The following CCDC7 variants were observed in gnomAD, a reference collection of about 807,000 sequenced individuals.
The protein encoded by CCDC7 is coiled-coil domain containing 7, also known as coiled-coil domain-containing protein 7.
Under a neutral mutation model 196.9 loss-of-function variants are expected in CCDC7, and 183 were observed. The observed-to-expected ratio is 0.93, with a 90% CI of 0.82 to 1.05. The LOEUF (loss-of-function observed/expected upper bound fraction) is 1.05. Ranked by LOEUF, CCDC7 falls within the 50% of genes least tolerant of loss-of-function variation. CCDC7 has a pLI of 0.00. For missense variants in CCDC7, 1,540 were observed against 1,482.2 expected, an observed-to-expected ratio of 1.04 and a Z score of -0.64; for synonymous variants, 525 against 484.6, an observed-to-expected ratio of 1.08 and a Z score of -1.10.
Position 32,500,891 on chromosome 10 carries a change from C to T in CCDC7, c.872+8894C>T, listed in dbSNP as rs367968960. Among the ~76,000 whole-genome samples, 39 of 152,264 alleles carry T rather than the reference C, an allele frequency of 2.6e-4. 1 individual carries two copies. The East Asian group carries it at 4.1e-3, about 16-fold the overall frequency. On this transcript the variant is annotated intron_variant, in intron 9 of 41. Coordinates refer to ENST00000639629, the Ensembl canonical transcript of CCDC7. ...GAAACCCCGTCTCCACCAAAAAATACGAAAACCAGTCAGGCGTGGCGGCGC... is the reference window on the plus strand; with the variant it reads ...GAAACCCCGTCTCCACCAAAAAATATGAAAACCAGTCAGGCGTGGCGGCGC...
chr10:32,879,712 A>T (rs1974357), downstream of CCDC7, among the ~76,000 whole-genome samples: 1 of 133,578 alleles, frequency 7.5e-6, no homozygotes, highest in South Asian at 2.8e-4. Flanking sequence ...TCCCTCCCCC[A>T]ACCCACAATA....
chr10:32,664,136 A>G, exon 21 of CCDC7: 1 of 396,448 alleles, frequency 2.5e-6, no homozygotes, highest in Non-Finnish European at 4.5e-6. Flanking sequence ...AGAAACAAAA[A>G]TCTTTCCAAG....
chr10:32,794,351 C>T (rs781548380), intron 29 of CCDC7, among the ~76,000 whole-genome samples: 26 of 152,142 alleles, frequency 1.7e-4, no homozygotes, highest in Admixed American at 7.9e-4. Context: ...GATTCCATGT[C>T]TTTGCTATTG....
intron 21 of CCDC7, among the ~76,000 whole-genome samples, chr10:32,670,916 G>A (rs10827098): frequency 0.25 from 38,262 of 151,576 alleles, 5,392 homozygotes; most frequent in South Asian, 0.44. Flanking sequence ...TGTTTATTTG[G>A]GATCTTTTAT....
intron 18 of CCDC7, chr10:32,623,601 A>G (rs1198545855): frequency 4.9e-6 from 2 of 408,792 alleles, no homozygotes; most frequent in East Asian, 1.5e-4. Flanking sequence ...ACCTCAATAA[A>G]TACTATTAAG....
chr10:32,729,348 C>CA lies in CCDC7; in HGVS notation c.2804dup (p.Asp936GlyfsTer5), dbSNP rs750690568. The CA allele has an allele frequency of 1.8e-4, 278 of 1,548,412 alleles. No homozygotes were observed. Among genetic ancestry groups the CA allele is most frequent in the Middle Eastern group, 4.1e-4 (2 of 4,910 alleles). ...TCTATTTAGCGTTTCCTTTAGAAAT[C>CA]AAAAAAAAGGATATATCACTTGAAC... is the stretch of plus-strand genomic sequence containing the variant. On this transcript the variant is annotated frameshift_variant, in exon 28 of 42. Transcript: ENST00000639629. LOFTEE classifies it high-confidence loss of function.
At chr10:32,531,002 C>G (rs1009792274) in intron 11 of CCDC7, among the ~76,000 whole-genome samples, 4 of 152,092 alleles carry the variant, frequency 2.6e-5, no homozygotes, top group African/African-American at 9.7e-5. Flanking sequence ...TTTTCAGCAG[C>G]TATTGAAATA....
At chr10:32,845,037 A>T (rs1003026051) in intron 33 of CCDC7, among the ~76,000 whole-genome samples, 2 of 150,774 alleles carry the variant, frequency 1.3e-5, no homozygotes, top group Non-Finnish European at 3.0e-5. Flanking sequence ...GGTAAAAAAA[A>T]TTTTTTTCAA....
At chr10:32,718,312 G>A (rs1181954729) in intron 25 of CCDC7, among the ~76,000 whole-genome samples, 1 of 151,986 alleles carries the variant, frequency 6.6e-6, no homozygotes, top group East Asian at 1.9e-4. Flanking sequence ...ATGCAGAAAA[G>A]GCCTTTGAGA....
At chr10:32,557,272 CT>C (rs577715660) in intron 13 of CCDC7, among the ~76,000 whole-genome samples, 7,947 of 141,958 alleles carry the variant, frequency 0.056, 685 homozygotes, top group African/African-American at 0.19. Context: ...ACTTTTATTG[CT>C]TTTTTTTTTT....
At chr10:32,710,075 T>C (rs1165940529) in intron 24 of CCDC7, among the ~76,000 whole-genome samples, 1 of 152,312 alleles carries the variant, frequency 6.6e-6, no homozygotes, top group Admixed American at 6.5e-5. Context: ...CTTCTCATTC[T>C]CTGACTTTGC....
upstream of CCDC7, among the ~76,000 whole-genome samples, chr10:32,447,789 C>A (rs111234251): frequency 9.1e-4 from 139 of 152,208 alleles, no homozygotes; most frequent in African/African-American, 3.2e-3. Flanking sequence ...GTAATCCCAG[C>A]TACTTGGGAG....
chr10:32,624,295 ATCT>A (rs2063731965), intron 18 of CCDC7, among the ~76,000 whole-genome samples: 1 of 152,088 alleles, frequency 6.6e-6, no homozygotes, highest in Non-Finnish European at 1.5e-5. Flanking sequence ...AGCCAGAGTG[ATCT>A]TCTTAAAATA....
chr10:32,819,431 T>C (rs987396468), intron 31 of CCDC7, among the ~76,000 whole-genome samples: 2 of 151,936 alleles, frequency 1.3e-5, no homozygotes, highest in African/African-American at 2.4e-5. Context: ...TTCCAACCAA[T>C]AGAAAAAGAG....
chr10:32,677,095 C>T (rs2075114460), intron 21 of CCDC7, among the ~76,000 whole-genome samples: 1 of 150,834 alleles, frequency 6.6e-6, no homozygotes, highest in African/African-American at 2.5e-5. Context: ...AATCATCATT[C>T]TCAGTAAACT....
At chr10:32,577,314 A>G (rs1467440048) in intron 16 of CCDC7, among the ~76,000 whole-genome samples, 1 of 152,122 alleles carries the variant, frequency 6.6e-6, no homozygotes, top group African/African-American at 2.4e-5. Context: ...GTGAGCTGAG[A>G]TCGTGCCACT....
At chr10:32,783,505 A>G (rs2081360847) in intron 29 of CCDC7, among the ~76,000 whole-genome samples, 1 of 152,194 alleles carries the variant, frequency 6.6e-6, no homozygotes, top group African/African-American at 2.4e-5. Context: ...AACAGAAAAT[A>G]AGGAATGTTG....
intron 28 of CCDC7, among the ~76,000 whole-genome samples, chr10:32,767,307 T>C (rs1429937489): frequency 6.6e-6 from 1 of 152,140 alleles, no homozygotes; most frequent in Non-Finnish European, 1.5e-5. Context: ...TACTACGTTT[T>C]GCCTTTTACC....
At chr10:32,588,389 ATT>A (rs34887748) in intron 18 of CCDC7, among the ~76,000 whole-genome samples, 2 of 152,012 alleles carry the variant, frequency 1.3e-5, no homozygotes, top group Non-Finnish European at 2.9e-5. Flanking sequence ...TGTCACATGC[ATT>A]TTTTTTGCAT....
Sources: gnomAD v4.1 joint callset for allele counts (sites outside exome capture counted in the v4.1 genomes callset) on GRCh38, gnomAD v4.1.1 for gene constraint, MANE v1.5 for transcripts, NCBI Gene and HGNC (gene_info 2026-07-23, HGNC 2026-07-21) for gene names.